SMIM38: variants seen among roughly 807,000 people sequenced by gnomAD.
SMIM38 encodes small integral membrane protein 38.
rs36013412 is a variant in SMIM38, at chr11:69,160,186, CTTT to C, written c.*2106_*2108del. On this transcript the variant is annotated 3_prime_UTR_variant, in exon 3 of 3. Coordinates refer to ENST00000686237, the MANE Select transcript of SMIM38 (RefSeq NM_001369201.2). Reference sequence around the variant, plus strand: ...AGCCAGAATCCTGGGACTTCATCATCTTTTTTTTTTTTTTTTTTGAGATGGAAT... The same window carrying C: ...AGCCAGAATCCTGGGACTTCATCATCTTTTTTTTTTTTTTTGAGATGGAAT... 8.6e-5 allele frequency: 11 copies of C among 128,616 alleles called. No homozygotes were observed. The highest frequency in any genetic ancestry group is 2.2e-4 in the East Asian group (1 of 4,508). 8.0% of individuals were successfully genotyped at this position (128,616 alleles called of 1,614,324 possible).
chr11:69,160,397 A>G lies in SMIM38; in HGVS notation c.*2301A>G, dbSNP rs969100762. 1 of 152,190 alleles carries G rather than the reference A, an allele frequency of 6.6e-6. No homozygotes were observed. Among genetic ancestry groups the G allele is most frequent in the African/African-American group, 2.4e-5 (1 of 41,436 alleles). 9.4% of individuals were successfully genotyped at this position (152,190 alleles called of 1,614,324 possible). ...GAGATGGTGTTTCACTATATTGGCCAGGCTGGTCTTGAACTCCTGACCTCA... is the reference window on the plus strand; with the variant it reads ...GAGATGGTGTTTCACTATATTGGCCGGGCTGGTCTTGAACTCCTGACCTCA... On this transcript the variant is annotated 3_prime_UTR_variant, in exon 3 of 3. Transcript: ENST00000686237.
At chr11:69,156,575 T>G (rs1856989320) in intron 1 of SMIM38, among the ~76,000 whole-genome samples, 1 of 128,666 alleles carries the variant, frequency 7.8e-6, no homozygotes, top group South Asian at 3.0e-4. Context: ...TGCACACACA[T>G]GTATACATGT....
In SMIM38 at chr11:69,160,941, T is replaced by G. The variant is rs893152228; in HGVS notation, c.*2845T>G. The G allele has an allele frequency of 2.6e-5, 4 of 152,198 alleles. No individual in the cohort carries two copies. Among genetic ancestry groups the G allele is most frequent in the Middle Eastern group, 3.2e-3 (1 of 316 alleles). The allele number at this position is 152,198 out of a possible 1,614,324, so 9.4% of individuals were successfully genotyped here. A position where few individuals can be genotyped will look rare whatever the true frequency, so the allele number is the denominator to read the frequency against. ...AAAGAGAGGCTTTAAAAGTATTTTG[T>G]TTTTCTTTCTTCACGTAGCAAGAAG... is the stretch of plus-strand genomic sequence containing the variant. On this transcript the variant is annotated 3_prime_UTR_variant, in exon 3 of 3. Transcript: ENST00000686237.
At position 69,160,955 on chromosome 11, in the gene SMIM38, C is replaced by T. The variant is rs1020807648; in HGVS notation, c.*2859C>T. 3.3e-5 allele frequency: 5 copies of T among 152,186 alleles called. No individual in the cohort carries two copies. The highest frequency in any genetic ancestry group is 2.6e-4 in the Admixed American group (4 of 15,272). 9.4% of individuals were successfully genotyped at this position (152,186 alleles called of 1,614,324 possible). The stretch of plus-strand genomic sequence containing the variant: ...AAAGTATTTTGTTTTTCTTTCTTCA[C>T]GTAGCAAGAAGTCTGGCATTTGGCA... On this transcript the variant is annotated 3_prime_UTR_variant, in exon 3 of 3. Transcript: ENST00000686237.
chr11:69,157,728 CT>C lies in SMIM38; in HGVS notation c.-117del. The C allele has an allele frequency of 2.5e-6, 1 of 397,398 alleles. No individual in the cohort carries two copies. Among genetic ancestry groups the C allele is most frequent in the Non-Finnish European group, 4.4e-6 (1 of 225,748 alleles). 24.6% of individuals were successfully genotyped at this position (397,398 alleles called of 1,614,324 possible). ...TGCAGAGGCCCCAGGCTGGACGGAG[CT>C]TCCTGTCCTGGGTCTGCACAGCAGC... On this transcript the variant is annotated 5_prime_UTR_variant, in exon 2 of 3. It removes the in-frame stop codon of an upstream open reading frame in the 5' UTR. Coordinates refer to ENST00000686237, the MANE Select transcript of SMIM38 (RefSeq NM_001369201.2).
At chr11:69,156,614 G>A (rs1182901146) in intron 1 of SMIM38, among the ~76,000 whole-genome samples, 6 of 152,128 alleles carry the variant, frequency 3.9e-5, no homozygotes, top group Admixed American at 6.5e-5. Context: ...GTGTGTGCGC[G>A]CGTGTGGCAG....
intron 1 of SMIM38, among the ~76,000 whole-genome samples, chr11:69,156,567 CACACACATGTATACAT>C: frequency 6.8e-6 from 1 of 147,162 alleles, no homozygotes; most frequent in Non-Finnish European, 1.5e-5. Context: ...AGTCTGTGTG[CACACACATGTATACAT>C]GTGTATGCGT....
At position 69,159,889 on chromosome 11, in the gene SMIM38, C is replaced by CG. The variant is rs1857035761; in HGVS notation, c.*1793_*1794insG. The CG allele has an allele frequency of 5.3e-5, 8 of 152,218 alleles. No homozygotes were observed. The highest frequency in any genetic ancestry group is 5.2e-4 in the Admixed American group (8 of 15,284). The allele number at this position is 152,218 out of a possible 1,614,324, so 9.4% of individuals were successfully genotyped here. On this transcript the variant is annotated 3_prime_UTR_variant, in exon 3 of 3. Coordinates refer to ENST00000686237, the MANE Select transcript of SMIM38 (RefSeq NM_001369201.2). ...TAAGGAAGAAAAATCACATGGTTGTCATGAGCATGTACCGACAGAGCTAGG... is the reference window on the plus strand; with the variant it reads ...TAAGGAAGAAAAATCACATGGTTGTCGATGAGCATGTACCGACAGAGCTAGG...
rs1351619501 is a variant in SMIM38 at position 69,157,375 on chromosome 11, A to G, written c.-472A>G. 4 of 152,746 alleles carry G rather than the reference A, an allele frequency of 2.6e-5. No homozygotes were observed. The highest frequency in any genetic ancestry group is 9.7e-5 in the African/African-American group (4 of 41,348). The allele number at this position is 152,746 out of a possible 1,614,324, so 9.5% of individuals were successfully genotyped here. On this transcript the variant is annotated 5_prime_UTR_variant, in exon 2 of 3. Transcript: ENST00000686237. ...CGCGTGGGCTGCTGAAAGCGTCGGG[A>G]GGAGGTGGCCGCTTCGCCCAGCAGC...
chr11:69,162,276 A>G lies in SMIM38; in HGVS notation c.*4180A>G, dbSNP rs1857060333. On this transcript the variant is annotated 3_prime_UTR_variant, in exon 3 of 3. Coordinates refer to ENST00000686237, the MANE Select transcript of SMIM38 (RefSeq NM_001369201.2). ...CATGTGTGGTTATTGAACAGTAAAA[A>G]TGCCACCACAAATTGCGATATGATG... is the stretch of plus-strand genomic sequence containing the variant. 6.6e-6 allele frequency: 1 copy of G among 152,234 alleles called. No homozygotes were observed. The highest frequency in any genetic ancestry group is 2.1e-4 in the South Asian group (1 of 4,832). 9.4% of individuals were successfully genotyped at this position (152,234 alleles called of 1,614,324 possible).
rs1400081437 is a variant in SMIM38 at position 69,158,135 on chromosome 11, GC to G, written c.*135del. 2 of 396,546 alleles carry G rather than the reference GC, an allele frequency of 5.0e-6. No individual in the cohort carries two copies. Among genetic ancestry groups the G allele is most frequent in the Admixed American group, 8.8e-5 (2 of 22,694 alleles). The allele number at this position is 396,546 out of a possible 1,614,324, so 24.6% of individuals were successfully genotyped here. A position where few individuals can be genotyped will look rare whatever the true frequency, so the allele number is the denominator to read the frequency against. Reference sequence around the variant, plus strand: ...ACCCCTGGGGCAGGAGCTCAGAGAGGCCTGAGATGGATCGTGCCTTCCCAGA... The same window carrying G: ...ACCCCTGGGGCAGGAGCTCAGAGAGGCTGAGATGGATCGTGCCTTCCCAGA... On this transcript the variant is annotated 3_prime_UTR_variant, in exon 2 of 3. Transcript: ENST00000686237.
chr11:69,157,168 C>T lies in SMIM38; in HGVS notation c.-673-6C>T, dbSNP rs1426969673. 1 of 152,822 alleles carries T rather than the reference C, an allele frequency of 6.5e-6. No individual in the cohort carries two copies. The highest frequency in any genetic ancestry group is 1.5e-5 in the Non-Finnish European group (1 of 68,498). The allele number at this position is 152,822 out of a possible 1,614,324, so 9.5% of individuals were successfully genotyped here. A position where few individuals can be genotyped will look rare whatever the true frequency, so the allele number is the denominator to read the frequency against. The stretch of plus-strand genomic sequence containing the variant: ...TCCCCTTTTCTCCTTGGCTTTTCAT[C>T]CTCAGGCTCCGTCCTTCTTCCCCGT... On this transcript the variant is annotated splice_region_variant and splice_polypyrimidine_tract_variant and intron_variant, in intron 1 of 2. Coordinates refer to ENST00000686237, the MANE Select transcript of SMIM38 (RefSeq NM_001369201.2).
intron 2 of SMIM38, 47 bp from the exon 3 acceptor site, chr11:69,159,399 A>G (rs1857030436): frequency 6.7e-6 from 1 of 148,832 alleles, no homozygotes; most frequent in Admixed American, 6.7e-5. Context: ...CACCCGATAC[A>G]CTCACCTATG....
In SMIM38 at chr11:69,161,977, CAG is replaced by C. The variant is rs1190146901; in HGVS notation, c.*3882_*3883del. 2.0e-5 allele frequency: 3 copies of C among 152,190 alleles called. No individual in the cohort carries two copies. The highest frequency in any genetic ancestry group is 3.9e-4 in the East Asian group (2 of 5,188). The allele number at this position is 152,190 out of a possible 1,614,324, so 9.4% of individuals were successfully genotyped here. On this transcript the variant is annotated 3_prime_UTR_variant, in exon 3 of 3. Coordinates refer to ENST00000686237, the MANE Select transcript of SMIM38 (RefSeq NM_001369201.2). ...ACACACACAGAGCCAGGTGAGGACACAGGGAGAAAATGGCCACGTACAAGCCA... is the reference window on the plus strand; with the variant it reads ...ACACACACAGAGCCAGGTGAGGACACGGAGAAAATGGCCACGTACAAGCCA...
Position 69,157,709 on chromosome 11 carries a change from G to A in SMIM38, c.-138G>A. ...GTCCCTTGGGGGCGCCGGCTGCAGA[G>A]GCCCCAGGCTGGACGGAGCTTCCTG... On this transcript the variant is annotated 5_prime_UTR_variant, in exon 2 of 3. Transcript: ENST00000686237. 2.5e-6 allele frequency: 1 copy of A among 397,130 alleles called. No homozygotes were observed. Among genetic ancestry groups the A allele is most frequent in the Non-Finnish European group, 4.4e-6 (1 of 225,650 alleles). 24.6% of individuals were successfully genotyped at this position (397,130 alleles called of 1,614,324 possible). A position where few individuals can be genotyped will look rare whatever the true frequency, so the allele number is the denominator to read the frequency against.
chr11:69,160,683 TC>T lies in SMIM38; in HGVS notation c.*2588del, dbSNP rs1857045495. 1 of 152,246 alleles carries T rather than the reference TC, an allele frequency of 6.6e-6. No individual in the cohort carries two copies. Among genetic ancestry groups the T allele is most frequent in the Admixed American group, 6.5e-5 (1 of 15,288 alleles). The allele number at this position is 152,246 out of a possible 1,614,324, so 9.4% of individuals were successfully genotyped here. A position where few individuals can be genotyped will look rare whatever the true frequency, so the allele number is the denominator to read the frequency against. Reference sequence around the variant, plus strand: ...ACTGGTCCATAATTTCTTTTCTTTTTCTTAAGTCTGTTTCATTGGTTTCTGT... The same window carrying T: ...ACTGGTCCATAATTTCTTTTCTTTTTTTAAGTCTGTTTCATTGGTTTCTGT... On this transcript the variant is annotated 3_prime_UTR_variant, in exon 3 of 3. Transcript: ENST00000686237.
At chr11:69,156,591 CGT>C (rs10651002) in intron 1 of SMIM38, among the ~76,000 whole-genome samples, 51,321 of 150,724 alleles carry the variant, frequency 0.34, 9,395 homozygotes, top group East Asian at 0.51. Flanking sequence ...CATGTGTATG[CGT>C]GTGTGTGTGT....
chr11:69,156,449 G>T (rs1364312833), intron 1 of SMIM38, among the ~76,000 whole-genome samples: 1 of 152,192 alleles, frequency 6.6e-6, no homozygotes, highest in Non-Finnish European at 1.5e-5. Context: ...GGCAGTTCTG[G>T]CGGTTTATCT....
intron 1 of SMIM38, among the ~76,000 whole-genome samples, chr11:69,156,725 G>A (rs534244845): frequency 6.6e-6 from 1 of 152,168 alleles, no homozygotes; most frequent in Non-Finnish European, 1.5e-5. Flanking sequence ...GTGCCCAGGC[G>A]CTGGGCGTGG....
Sources: allele counts gnomAD v4.1 joint callset (sites outside exome capture counted in the v4.1 genomes callset), GRCh38; gene constraint gnomAD v4.1.1; transcripts MANE v1.5; gene names NCBI Gene and HGNC (gene_info 2026-07-23, HGNC 2026-07-21).